Variants in RAP1GAP2 observed in about 807,000 individuals in gnomAD.
RAP1GAP2 encodes the protein RAP1 GTPase activating protein 2.
A neutral mutation model predicts 95.0 loss-of-function variants in RAP1GAP2; 27 were observed. The ratio of observed to expected loss-of-function variants is 0.28; its 90% CI spans 0.21 to 0.39. The LOEUF is 0.39. Among genes scored for constraint, RAP1GAP2 ranks in the 10% least tolerant of loss-of-function variants. The pLI is 1.00. For synonymous variants in RAP1GAP2, 373 were observed against 380.9 expected (o/e 0.98, Z 0.24); for missense variants, 771 against 970.0 (o/e 0.79, Z 2.72).
chr17:2,831,818 C>A (rs1429521627), intron 2 of RAP1GAP2, among the ~76,000 whole-genome samples: 2 of 151,994 alleles, frequency 1.3e-5, no homozygotes, highest in Non-Finnish European at 2.9e-5. Context: ...TCCCTTGAGC[C>A]CAGGAGTTTG....
intron 1 of RAP1GAP2, among the ~76,000 whole-genome samples, chr17:2,765,929 A>G (rs1463600583): frequency 1.3e-5 from 2 of 152,032 alleles, no homozygotes; most frequent in Non-Finnish European, 2.9e-5. Flanking sequence ...AGATTGCACC[A>G]CTGCACTCCA....
At chr17:2,977,669 CG>C (rs1322128660) in intron 8 of RAP1GAP2, among the ~76,000 whole-genome samples, 1 of 149,982 alleles carries the variant, frequency 6.7e-6, no homozygotes, top group African/African-American at 2.5e-5. Flanking sequence ...TGCTTGAACC[CG>C]GGAGGCAGAG....
chr17:2,927,278 C>T (rs769382505), intron 3 of RAP1GAP2, among the ~76,000 whole-genome samples: 5 of 151,968 alleles, frequency 3.3e-5, no homozygotes, highest in South Asian at 2.1e-4. Flanking sequence ...CTCAGCCTCC[C>T]GAGTAGCTGG....
chr17:3,026,357 A>C lies in RAP1GAP2; in HGVS notation c.1873A>C (p.Met625Leu), dbSNP rs146149547. ...EICPNKEKPFMKLKENGRAIS... is the reference protein window; with the variant it reads ...EICPNKEKPFLKLKENGRAIS... ...ACTTCCTATTCCCTGCAGGCCCTTCATGAAGTTGAAGGAAAACGGCCGTGC... is the reference window on the plus strand; with the variant it reads ...ACTTCCTATTCCCTGCAGGCCCTTCCTGAAGTTGAAGGAAAACGGCCGTGC... The change falls in exon 21 of 25, where the codon ATG (methionine) becomes CTG (leucine). Residue 625 changes from methionine (M) to leucine (L), a missense_variant. Coordinates refer to ENST00000254695, the MANE Select transcript of RAP1GAP2 (RefSeq NM_015085.5). 6.4e-6 allele frequency: 10 copies of C among 1,550,680 alleles called. No individual in the cohort carries two copies. In the East Asian group the frequency reaches 2.2e-4, roughly 34 times the overall value.
intron 2 of RAP1GAP2, among the ~76,000 whole-genome samples, chr17:2,807,049 C>T (rs1011558952): frequency 2.0e-5 from 3 of 151,646 alleles, no homozygotes; most frequent in Non-Finnish European, 1.5e-5. Context: ...ACATGGGGCA[C>T]GTTTTTGTGG....
At chr17:2,823,407 G>A (rs1272968854) in intron 2 of RAP1GAP2, among the ~76,000 whole-genome samples, 2 of 152,194 alleles carry the variant, frequency 1.3e-5, no homozygotes, top group African/African-American at 4.8e-5. Context: ...TCAGGAATTT[G>A]TAAGTGTTTG....
intron 2 of RAP1GAP2, among the ~76,000 whole-genome samples, chr17:2,832,150 G>A (rs2070884089): frequency 6.9e-6 from 1 of 145,116 alleles, no homozygotes; most frequent in Non-Finnish European, 1.5e-5. Context: ...TTTGCAATGA[G>A]CTGAGATCAC....
intron 3 of RAP1GAP2, among the ~76,000 whole-genome samples, chr17:2,940,426 T>TGCCA (rs2043451853): frequency 6.6e-6 from 1 of 152,210 alleles, no homozygotes; most frequent in Non-Finnish European, 1.5e-5. Context: ...GGGAACCCAC[T>TGCCA]GCCAGCCAAA....
At chr17:2,844,307 A>T (rs1476193980) in intron 2 of RAP1GAP2, among the ~76,000 whole-genome samples, 2 of 152,194 alleles carry the variant, frequency 1.3e-5, no homozygotes, top group Admixed American at 1.3e-4. Flanking sequence ...GGCATGAGCC[A>T]CTGCGCCCGG....
intron 2 of RAP1GAP2, among the ~76,000 whole-genome samples, chr17:2,856,151 CA>C (rs1232370602): frequency 6.6e-6 from 1 of 152,086 alleles, no homozygotes; most frequent in Admixed American, 6.6e-5. Flanking sequence ...TGGTGGTGAA[CA>C]GGTCAACTCT....
intron 18 of RAP1GAP2, among the ~76,000 whole-genome samples, chr17:3,018,934 G>A (rs943399629): frequency 6.6e-6 from 1 of 152,214 alleles, no homozygotes; most frequent in East Asian, 1.9e-4. Context: ...GTGGTGGCGG[G>A]TGCCTGTAAT....
chr17:2,859,108 CTT>C (rs773356177), intron 2 of RAP1GAP2, among the ~76,000 whole-genome samples: 7 of 130,476 alleles, frequency 5.4e-5, no homozygotes, highest in Admixed American at 7.9e-5. Context: ...TCCTCCAACT[CTT>C]TTTTTTTTTT....
chr17:2,898,149 G>A (rs2041901953), intron 2 of RAP1GAP2, among the ~76,000 whole-genome samples: 1 of 152,094 alleles, frequency 6.6e-6, no homozygotes, highest in Non-Finnish European at 1.5e-5. Flanking sequence ...GTGGGCTCAA[G>A]CCATCCTCCT....
chr17:2,952,993 A>G (rs2151461828), intron 3 of RAP1GAP2, among the ~76,000 whole-genome samples: 1 of 151,460 alleles, frequency 6.6e-6, no homozygotes, highest in Middle Eastern at 3.4e-3. Context: ...TTTAGTAGAG[A>G]CAGGGTTTCA....
At chr17:2,975,608 T>C (rs1284859889) in intron 8 of RAP1GAP2, among the ~76,000 whole-genome samples, 1 of 152,236 alleles carries the variant, frequency 6.6e-6, no homozygotes, top group Admixed American at 6.5e-5. Context: ...TCACCCTCCC[T>C]GATGGGCGTG....
chr17:2,976,859 G>T (rs1333075425), intron 8 of RAP1GAP2, among the ~76,000 whole-genome samples: 2 of 152,110 alleles, frequency 1.3e-5, no homozygotes, highest in Non-Finnish European at 2.9e-5. Context: ...AACAGGCCAG[G>T]TGTGGTGGCT....
At chr17:2,910,226 T>C (rs2042327934) in intron 3 of RAP1GAP2, among the ~76,000 whole-genome samples, 1 of 152,170 alleles carries the variant, frequency 6.6e-6, no homozygotes, top group South Asian at 2.1e-4. Flanking sequence ...GACCTGGGAC[T>C]TGTTTATGGT....
At chr17:2,915,330 A>G (rs1271829814) in intron 3 of RAP1GAP2, among the ~76,000 whole-genome samples, 1 of 151,822 alleles carries the variant, frequency 6.6e-6, no homozygotes, top group Non-Finnish European at 1.5e-5. Context: ...TCCTGGGCTC[A>G]AGCCATCCTT....
chr17:2,809,370 G>A lies in RAP1GAP2; in HGVS notation c.80+8820G>A, dbSNP rs2069659670. Reference sequence around the variant, plus strand: ...TGAGGGTGTTTTCCATGTGGCTGGTGGAGTGGCATGGTCCTTGTGGGTCCC... The same window carrying A: ...TGAGGGTGTTTTCCATGTGGCTGGTAGAGTGGCATGGTCCTTGTGGGTCCC... On this transcript the variant is annotated intron_variant, in intron 2 of 24. Coordinates refer to ENST00000254695, the MANE Select transcript of RAP1GAP2 (RefSeq NM_015085.5). 1.3e-5 allele frequency among the ~76,000 whole-genome samples: 2 copies of A among 152,258 alleles called. 1 individual carries two copies. Among genetic ancestry groups the A allele is most frequent in the South Asian group, 4.1e-4 (2 of 4,836 alleles).
Sources: allele counts gnomAD v4.1 joint callset (sites outside exome capture counted in the v4.1 genomes callset), GRCh38; gene constraint gnomAD v4.1.1; transcripts MANE v1.5; gene names NCBI Gene and HGNC (gene_info 2026-07-23, HGNC 2026-07-21).